MGAT4C: variants seen among roughly 807,000 people sequenced by gnomAD.
The protein encoded by MGAT4C is alpha-1,3-mannosyl-glycoprotein 4-beta-N-acetylglucosaminyltransferase C.
Under a neutral mutation model 40.1 loss-of-function variants are expected in MGAT4C, and 19 were observed. The ratio of observed to expected loss-of-function variants is 0.47; its 90% CI spans 0.33 to 0.70. The LOEUF (loss-of-function observed/expected upper bound fraction) is 0.70, where lower values mean the gene tolerates loss of function less well. Among genes scored for constraint, MGAT4C ranks in the 30% least tolerant of loss-of-function variants. MGAT4C has a pLI of 0.02. For synonymous variants in MGAT4C, 181 were observed against 187.1 expected, an observed-to-expected ratio of 0.97 and a Z score of 0.27; for missense variants, 491 against 563.2, an observed-to-expected ratio of 0.87 and a Z score of 1.30.
intron 2 of MGAT4C, among the ~76,000 whole-genome samples, chr12:86,545,383 A>T (rs182870742): frequency 2.6e-4 from 40 of 152,116 alleles, no homozygotes; most frequent in Non-Finnish European, 4.6e-4. Flanking sequence ...AGTAGATACT[A>T]TGTCACAAAA....
intron 1 of MGAT4C, among the ~76,000 whole-genome samples, chr12:86,764,669 T>A (rs1241351714): frequency 6.6e-6 from 1 of 151,604 alleles, no homozygotes; most frequent in African/African-American, 2.4e-5. Flanking sequence ...GAGACAAAAC[T>A]TCCAGAGGAA....
chr12:86,725,392 A>G (rs552372021), intron 2 of MGAT4C, among the ~76,000 whole-genome samples: 15 of 152,300 alleles, frequency 9.8e-5, no homozygotes, highest in Admixed American at 3.9e-4. Context: ...ACCAGACAAC[A>G]TTAAAGACTC....
upstream of MGAT4C, among the ~76,000 whole-genome samples, chr12:86,259,987 C>T (rs1027088761): frequency 6.6e-6 from 1 of 151,850 alleles, no homozygotes. Flanking sequence ...TGAGAGGAAG[C>T]TAACCAATTT....
At chr12:86,588,081 G>T (rs1446173005) in intron 2 of MGAT4C, among the ~76,000 whole-genome samples, 21 of 151,916 alleles carry the variant, frequency 1.4e-4, no homozygotes, top group African/African-American at 5.1e-4. Flanking sequence ...TATTGGCTGT[G>T]GGTCTGTCAT....
At chr12:86,383,215 A>G (rs921336615) in intron 3 of MGAT4C, among the ~76,000 whole-genome samples, 14 of 152,186 alleles carry the variant, frequency 9.2e-5, no homozygotes, top group African/African-American at 2.7e-4. Context: ...TGACCTGGAC[A>G]TGAGGCATGA....
At chr12:86,810,661 C>G (rs535508473) in intron 1 of MGAT4C, among the ~76,000 whole-genome samples, 2 of 151,686 alleles carry the variant, frequency 1.3e-5, no homozygotes, top group Non-Finnish European at 2.9e-5. Context: ...ACCAGCCTTG[C>G]ACCGAGAAAT....
intron 2 of MGAT4C, among the ~76,000 whole-genome samples, chr12:86,012,855 G>A (rs1237566510): frequency 6.6e-6 from 1 of 151,012 alleles, no homozygotes; most frequent in Non-Finnish European, 1.5e-5. Context: ...CTGGTGCAGT[G>A]GCTCGTGCTG....
chr12:86,597,463 G>T (rs987420369), intron 2 of MGAT4C, among the ~76,000 whole-genome samples: 1 of 152,222 alleles, frequency 6.6e-6, no homozygotes, highest in Non-Finnish European at 1.5e-5. Context: ...CCAGGTTGTT[G>T]TCTGACTGGA....
At chr12:86,282,135 A>G (rs1298426127) in intron 4 of MGAT4C, among the ~76,000 whole-genome samples, 1 of 152,120 alleles carries the variant, frequency 6.6e-6, no homozygotes, top group African/African-American at 2.4e-5. Context: ...TTCAAATTGC[A>G]AAAAGATGTT....
At chr12:86,427,935 G>C (rs147502790) in intron 3 of MGAT4C, among the ~76,000 whole-genome samples, 1 of 152,096 alleles carries the variant, frequency 6.6e-6, no homozygotes, top group South Asian at 2.1e-4. Flanking sequence ...CAGGAGAATC[G>C]CTTGAACCCG....
At chr12:86,547,986 A>G (rs148454944) in intron 2 of MGAT4C, among the ~76,000 whole-genome samples, 1 of 152,262 alleles carries the variant, frequency 6.6e-6, no homozygotes, top group East Asian at 1.9e-4. Context: ...TATTCCCATT[A>G]GGTTATCTGA....
intron 2 of MGAT4C, among the ~76,000 whole-genome samples, chr12:86,705,216 CTCTATCTA>C (rs36154098): frequency 0.1 from 15,334 of 147,550 alleles, 949 homozygotes; most frequent in African/African-American, 0.18. Flanking sequence ...TGTCTATTAT[CTCTATCTA>C]TCTATCTATC....
chr12:86,282,065 T>G (rs1953231856), intron 4 of MGAT4C, among the ~76,000 whole-genome samples: 1 of 152,140 alleles, frequency 6.6e-6, no homozygotes, highest in African/African-American at 2.4e-5. Context: ...TGGGGGCTTT[T>G]TAAATTTTAC....
At chr12:86,420,886 T>C (rs1020193211) in intron 3 of MGAT4C, among the ~76,000 whole-genome samples, 1 of 150,740 alleles carries the variant, frequency 6.6e-6, no homozygotes, top group African/African-American at 2.4e-5. Flanking sequence ...TACATGTATA[T>C]GTGTATATAT....
At chr12:86,333,383 C>T (rs1418158161) in intron 4 of MGAT4C, among the ~76,000 whole-genome samples, 1 of 152,188 alleles carries the variant, frequency 6.6e-6, no homozygotes, top group Non-Finnish European at 1.5e-5. Flanking sequence ...TCAGGCCTTA[C>T]GTCCTCTCTA....
chr12:86,469,499 T>C (rs1957728181), intron 2 of MGAT4C, among the ~76,000 whole-genome samples: 1 of 152,174 alleles, frequency 6.6e-6, no homozygotes, highest in Non-Finnish European at 1.5e-5. Flanking sequence ...AGAAGTCTTC[T>C]GGCCCACAGG....
At position 86,825,674 on chromosome 12, in the gene MGAT4C, T is replaced by C. The variant is rs1392138210; in HGVS notation, c.-262+12992A>G. Among the ~76,000 whole-genome samples, 5 of 151,482 alleles carry C rather than the reference T, an allele frequency of 3.3e-5. No homozygotes were observed. The South Asian group carries it at 1.0e-3, about 31-fold the overall frequency. On this transcript the variant is annotated intron_variant, in intron 1 of 7. Coordinates refer to the MGAT4C transcript ENST00000548651. ...TTACTTATCTAGGTCATTGACAGAA[T>C]ATTTAAAGACATAAAATATATAGTT...
At chr12:86,252,303 T>C (rs1428976122) in intron 1 of MGAT4C, among the ~76,000 whole-genome samples, 1 of 152,074 alleles carries the variant, frequency 6.6e-6, no homozygotes, top group Non-Finnish European at 1.5e-5. Context: ...TATTGTTTTA[T>C]TATTATGCAA....
At chr12:86,082,916 A>C (rs1485272745) in intron 1 of MGAT4C, among the ~76,000 whole-genome samples, 1 of 152,060 alleles carries the variant, frequency 6.6e-6, no homozygotes, top group Non-Finnish European at 1.5e-5. Flanking sequence ...GGAAAATGAC[A>C]TGAAAATTAT....
Sources: gnomAD v4.1 joint callset for allele counts (sites outside exome capture counted in the v4.1 genomes callset) on GRCh38, gnomAD v4.1.1 for gene constraint, MANE v1.5 for transcripts, NCBI Gene and HGNC (gene_info 2026-07-23, HGNC 2026-07-21) for gene names.